Variants in PPP1R26 observed in about 807,000 individuals in gnomAD.
The protein encoded by PPP1R26 is 1A6/DRIM (down-regulated in metastasis) interacting protein.
In PPP1R26, 22 loss-of-function variants were observed where a neutral mutation model predicts 67.6. That is an observed-to-expected ratio of 0.33 (90% CI 0.23 to 0.46). The LOEUF is 0.46. Among genes scored for constraint, PPP1R26 ranks in the 20% least tolerant of loss-of-function variants. The pLI is 1.00. For missense variants in PPP1R26, 1,602 were observed against 1,651.4 expected (o/e 0.97, Z 0.52); for synonymous variants, 729 against 717.2 (o/e 1.02, Z -0.26).
At position 135,484,460 on chromosome 9, in the gene PPP1R26, G is replaced by T; in HGVS notation, c.-51G>T. On this transcript the variant is annotated 5_prime_UTR_variant, in exon 4 of 4. Coordinates refer to ENST00000356818, the MANE Select transcript of PPP1R26 (RefSeq NM_014811.5). ...TTCTTTCCGCCCAGGATGTGAAGCC[G>T]GTAGAGAAATAAAGCATCGCCCCTC... 1 of 1,443,320 alleles carries T rather than the reference G, an allele frequency of 6.9e-7. No homozygotes were observed. The highest frequency in any genetic ancestry group is 9.4e-7 in the Non-Finnish European group (1 of 1,065,680). The allele number at this position is 1,443,320 out of a possible 1,614,324, so 89.4% of individuals were successfully genotyped here.
chr9:135,487,682 G>A lies in PPP1R26; in HGVS notation c.3172G>A (p.Glu1058Lys), dbSNP rs776562505. ...DAVWRGGVGS[E>K]RDKGSEGPAR... ...AGTGTGGAGGGGGGGCGTCGGGAGCGAGAGAGACAAGGGGTCCGAGGGCCC... is the reference window on the plus strand; with the variant it reads ...AGTGTGGAGGGGGGGCGTCGGGAGCAAGAGAGACAAGGGGTCCGAGGGCCC... The change falls in exon 4 of 4, where the codon GAG becomes AAG. Residue 1058 changes from glutamate to lysine, a missense_variant. Glu to Lys is a moderately conservative substitution (Grantham distance 56). Coordinates refer to ENST00000356818, the MANE Select transcript of PPP1R26 (RefSeq NM_014811.5). The A allele has an allele frequency of 1.1e-5, 16 of 1,457,390 alleles. No individual in the cohort carries two copies. The highest frequency in any genetic ancestry group is 9.8e-5 in the East Asian group (4 of 40,656). 90.3% of individuals were successfully genotyped at this position (1,457,390 alleles called of 1,614,324 possible).
chr9:135,487,910 C>T lies in PPP1R26; in HGVS notation c.3400C>T (p.His1134Tyr). ...AGPSPVFGSP[H>Y]LLAKKDGGPW... ...ACCCAGCCCTGTCTTTGGAAGCCCA[C>T]ACTTGCTGGCAAAGAAGGACGGCGG... Residue 1134 changes from histidine to tyrosine, a missense_variant, in exon 4 of 4, where the codon CAC becomes TAC. Around this residue, in one of 5 missense-constraint regions of PPP1R26, gnomAD observed 740 missense variants for 696.3 expected, o/e 1.06. Transcript: ENST00000356818. The T allele has an allele frequency of 1.3e-6, 2 of 1,574,930 alleles. No homozygotes were observed. The highest frequency in any genetic ancestry group is 1.7e-6 in the Non-Finnish European group (2 of 1,161,652).
chr9:135,487,974 T>G lies in PPP1R26; in HGVS notation c.3464T>G (p.Leu1155Trp). Reference protein sequence around the residue: ...PTRKAQAGLSLHDRRSSGSEE... With the variant: ...PTRKAQAGLSWHDRRSSGSEE... ...AGGAAGGCACAGGCAGGGCTGAGTT[T>G]GCATGACAGGAGGAGCTCGGGCTCG... is the stretch of plus-strand genomic sequence containing the variant. The change falls in exon 4 of 4, where the codon TTG becomes TGG. Residue 1155 changes from leucine (L) to tryptophan (W), a missense_variant. By Grantham distance (61) the Leu-to-Trp change is moderately conservative. Around this residue, in one of 5 missense-constraint regions of PPP1R26, gnomAD observed 740 missense variants for 696.3 expected, o/e 1.06. Transcript: ENST00000356818. The G allele has an allele frequency of 1.2e-6, 2 of 1,607,664 alleles. No homozygotes were observed. Among genetic ancestry groups the G allele is most frequent in the Non-Finnish European group, 1.7e-6 (2 of 1,177,700 alleles).
At chr9:135,481,397 C>T (rs557294546) in intron 1 of PPP1R26, among the ~76,000 whole-genome samples, 6 of 152,094 alleles carry the variant, frequency 3.9e-5, no homozygotes, top group South Asian at 2.1e-4. Context: ...TGGGCTCCCA[C>T]GCCCAGCTAA....
At chr9:135,482,850 T>C in intron 2 of PPP1R26, 35 bp downstream of exon 2, 1 of 398,434 alleles carries the variant, frequency 2.5e-6, no homozygotes, top group Non-Finnish European at 4.4e-6. Flanking sequence ...TTAGTTTCCC[T>C]TGTAGGGCAC....
At position 135,487,767 on chromosome 9, in the gene PPP1R26, T is replaced by A; in HGVS notation, c.3257T>A (p.Leu1086His). 6.6e-7 allele frequency: 1 copy of A among 1,507,330 alleles called. No individual in the cohort carries two copies. Among genetic ancestry groups the A allele is most frequent in the Non-Finnish European group, 8.8e-7 (1 of 1,131,220 alleles). 93.4% of individuals were successfully genotyped at this position (1,507,330 alleles called of 1,614,324 possible). Residue 1086 changes from leucine to histidine, a missense_variant, in exon 4 of 4, where the codon CTC becomes CAC. By Grantham distance (99) the Leu-to-His change is moderately conservative (BLOSUM62 -3). Coordinates refer to ENST00000356818, the MANE Select transcript of PPP1R26 (RefSeq NM_014811.5). The stretch of plus-strand genomic sequence containing the variant: ...TTCTCGCCGCTGCTGTCCACCCAGC[T>A]CTTCCACTTTGGAAAGGGTGTCTCC... ...AGFSPLLSTQLFHFGKGVSWG... is the reference protein window; with the variant it reads ...AGFSPLLSTQHFHFGKGVSWG...
At chr9:135,483,695 A>G (rs977838341) in intron 2 of PPP1R26, 2 of 290,422 alleles carry the variant, frequency 6.9e-6, no homozygotes, top group Non-Finnish European at 1.3e-5. Flanking sequence ...AAGTGTCCCA[A>G]GCTCAGCCCA....
Position 135,487,675 on chromosome 9 carries a change from C to T in PPP1R26, c.3165C>T (p.Val1055=), listed in dbSNP as rs367855123. ...GAGATGCAGTGTGGAGGGGGGGCGT[C>T]GGGAGCGAGAGAGACAAGGGGTCCG... ...EGRDAVWRGG[V]GSERDKGSEG... is the part of the protein sequence containing the mutation. The change falls in exon 4 of 4, where the codon GTC becomes GTT. Residue 1055 remains valine (V), a synonymous_variant. Coordinates refer to ENST00000356818, the MANE Select transcript of PPP1R26 (RefSeq NM_014811.5). The T allele has an allele frequency of 1.4e-4, 210 of 1,458,652 alleles. No homozygotes were observed. Among genetic ancestry groups the T allele is most frequent in the African/African-American group, 5.7e-5 (4 of 70,366 alleles). The allele number at this position is 1,458,652 out of a possible 1,614,324, so 90.4% of individuals were successfully genotyped here.
Position 135,485,077 on chromosome 9 carries a change from ACTT to A in PPP1R26, c.568_570del (p.Leu190del). ...CCCCGACTGCCCTGTGTCCCCCAAA[ACTT>A]GTACCTGGATCAGGTGGTGGCCCCG... On this transcript the variant is annotated inframe_deletion, in exon 4 of 4. Coordinates refer to ENST00000356818, the MANE Select transcript of PPP1R26 (RefSeq NM_014811.5). This position sits in a 1 kb window ranked among gnomAD's most constrained non-coding sequence, Gnocchi z 7.2. 6.2e-7 allele frequency: 1 copy of A among 1,610,744 alleles called. No homozygotes were observed. Among genetic ancestry groups the A allele is most frequent in the Non-Finnish European group, 8.5e-7 (1 of 1,179,078 alleles).
intron 2 of PPP1R26, 137 bp downstream of exon 2, chr9:135,482,952 G>T (rs1477676159): frequency 2.6e-6 from 1 of 389,492 alleles, no homozygotes; most frequent in East Asian, 3.7e-5. Flanking sequence ...GTGTGTAGGT[G>T]GCCAGGCTCA....
Position 135,485,071 on chromosome 9 carries a change from C to T in PPP1R26, c.561C>T (p.Pro187=). Reference sequence around the variant, plus strand: ...GCAGTGCCCCGACTGCCCTGTGTCCCCCAAAACTTGTACCTGGATCAGGTG... The same window carrying T: ...GCAGTGCCCCGACTGCCCTGTGTCCTCCAAAACTTGTACCTGGATCAGGTG... ...AHGSAPTALC[P]PKLVPGSGGG... is the part of the protein sequence containing the mutation. The change falls in exon 4 of 4, where the codon CCC becomes CCT. Residue 187 remains proline, a synonymous_variant. Transcript: ENST00000356818. This position sits in a 1 kb window ranked among gnomAD's most constrained non-coding sequence, Gnocchi z 7.2. 2.5e-6 allele frequency: 4 copies of T among 1,610,166 alleles called. No homozygotes were observed. The highest frequency in any genetic ancestry group is 3.4e-6 in the Non-Finnish European group (4 of 1,178,832).
At position 135,486,462 on chromosome 9, in the gene PPP1R26, G is replaced by A. The variant is rs35142799; in HGVS notation, c.1952G>A (p.Gly651Asp). Residue 651 changes from glycine to aspartate, a missense_variant, in exon 4 of 4, where the codon GGC becomes GAC. Gly to Asp is a moderately conservative substitution (Grantham distance 94, BLOSUM62 -1). Around this residue, in one of 5 missense-constraint regions of PPP1R26, gnomAD observed 680 missense variants for 726.1 expected, o/e 0.94. Coordinates refer to ENST00000356818, the MANE Select transcript of PPP1R26 (RefSeq NM_014811.5). The surrounding 1 kb of genome is among the most constrained non-coding windows in gnomAD (Gnocchi z 6.2). ...GKASEALGGE[G>D]TARGPGDTRM... ...GCCAGTGAGGCCCTGGGAGGGGAGGGCACCGCCAGGGGCCCTGGCGACACT... is the reference window on the plus strand; with the variant it reads ...GCCAGTGAGGCCCTGGGAGGGGAGGACACCGCCAGGGGCCCTGGCGACACT... The A allele has an allele frequency of 1.4e-3, 2,242 of 1,613,040 alleles. 38 individuals carry two copies. In the African/African-American group the frequency reaches 0.026, roughly 19 times the overall value.
In PPP1R26 at chr9:135,486,347, G is replaced by A. The variant is rs756198560; in HGVS notation, c.1837G>A (p.Val613Met). The A allele has an allele frequency of 1.9e-6, 3 of 1,613,030 alleles. No homozygotes were observed. Among genetic ancestry groups the A allele is most frequent in the African/African-American group, 2.7e-5 (2 of 74,928 alleles). Residue 613 changes from valine (V) to methionine (M), a missense_variant, in exon 4 of 4, where the codon GTG becomes ATG. Around this residue, in one of 5 missense-constraint regions of PPP1R26, gnomAD observed 680 missense variants for 726.1 expected, o/e 0.94. Coordinates refer to ENST00000356818, the MANE Select transcript of PPP1R26 (RefSeq NM_014811.5). The surrounding 1 kb of genome is among the most constrained non-coding windows in gnomAD (Gnocchi z 6.2). ...ATCCACGCCCAAGAAAATGCAGGAGGTGGTGAAAGACGGTAGCCAGGATGC... is the reference window on the plus strand; with the variant it reads ...ATCCACGCCCAAGAAAATGCAGGAGATGGTGAAAGACGGTAGCCAGGATGC... The part of the protein sequence containing the change: ...RPSTPKKMQE[V>M]VKDGSQDADH...
rs763070829 is a variant in PPP1R26, at chr9:135,486,854, C to T, written c.2344C>T (p.Gln782Ter). The change falls in exon 4 of 4, where the codon CAG (glutamine) becomes TAG (stop). Residue 782 changes from glutamine to a stop codon, truncating the protein, a stop_gained. Transcript: ENST00000356818. LOFTEE classifies it high-confidence loss of function. This position sits in a 1 kb window ranked among gnomAD's most constrained non-coding sequence, Gnocchi z 6.2. ...VFGSTAERMR[Q>*]EGAASQDAAL... The stretch of plus-strand genomic sequence containing the variant: ...TGGCAGCACGGCAGAGAGGATGAGG[C>T]AGGAGGGTGCCGCGAGCCAGGACGC... The T allele has an allele frequency of 6.2e-7, 1 of 1,611,268 alleles. No individual in the cohort carries two copies. The highest frequency in any genetic ancestry group is 1.1e-5 in the South Asian group (1 of 90,960).
At chr9:135,481,882 G>A (rs1830532411) in intron 1 of PPP1R26, among the ~76,000 whole-genome samples, 1 of 152,214 alleles carries the variant, frequency 6.6e-6, no homozygotes, top group Non-Finnish European at 1.5e-5. Context: ...GCCTCCCAAA[G>A]TGCTGGGATT....
At chr9:135,481,128 C>T (rs886684727) in intron 1 of PPP1R26, among the ~76,000 whole-genome samples, 2 of 152,124 alleles carry the variant, frequency 1.3e-5, no homozygotes, top group African/African-American at 2.4e-5. Flanking sequence ...TGCTGGGTGT[C>T]CCCACAGCCA....
Position 135,485,573 on chromosome 9 carries a change from CAGGCGTCCG to C in PPP1R26, c.1074_1082del (p.Glu358_Ser360del). The C allele has an allele frequency of 3.1e-6, 5 of 1,613,258 alleles. No individual in the cohort carries two copies. Among genetic ancestry groups the C allele is most frequent in the East Asian group, 2.2e-5 (1 of 44,876 alleles). Reference sequence around the variant, plus strand: ...GGGAAAGCGAGTCATGAGTGCGGCACAGGCGTCCGAGGCGTCCGACTCCAGCAGCGACGA... The same window carrying C: ...GGGAAAGCGAGTCATGAGTGCGGCACAGGCGTCCGACTCCAGCAGCGACGA... On this transcript the variant is annotated inframe_deletion, in exon 4 of 4. Coordinates refer to ENST00000356818, the MANE Select transcript of PPP1R26 (RefSeq NM_014811.5). The surrounding 1 kb of genome is among the most constrained non-coding windows in gnomAD (Gnocchi z 7.2).
Position 135,487,304 on chromosome 9 carries a change from G to A in PPP1R26, c.2794G>A (p.Ala932Thr). Residue 932 changes from alanine to threonine, a missense_variant, in exon 4 of 4, where the codon GCC (alanine) becomes ACC (threonine). Ala to Thr is a moderately conservative substitution (Grantham distance 58). Coordinates refer to ENST00000356818, the MANE Select transcript of PPP1R26 (RefSeq NM_014811.5). ...QGGKGLPAAPARGDPVPPRST... is the reference protein window; with the variant it reads ...QGGKGLPAAPTRGDPVPPRST... ...CGGGAAGGGGCTCCCTGCTGCTCCT[G>A]CCCGAGGGGATCCGGTGCCGCCCAG... 1.9e-6 allele frequency: 3 copies of A among 1,556,862 alleles called. No individual in the cohort carries two copies. The highest frequency in any genetic ancestry group is 1.4e-5 in the African/African-American group (1 of 73,536).
chr9:135,486,005 G>C lies in PPP1R26; in HGVS notation c.1495G>C (p.Val499Leu). The C allele has an allele frequency of 6.2e-7, 1 of 1,613,212 alleles. No individual in the cohort carries two copies. Among genetic ancestry groups the C allele is most frequent in the Admixed American group, 1.7e-5 (1 of 60,008 alleles). The change falls in exon 4 of 4, where the codon GTA (valine) becomes CTA (leucine). Residue 499 changes from valine to leucine, a missense_variant. Val to Leu is a conservative substitution (Grantham distance 32). Transcript: ENST00000356818. This position sits in a 1 kb window ranked among gnomAD's most constrained non-coding sequence, Gnocchi z 6.2. ...DISKTILPAP[V>L]EGSDGSLSAS... ...CTCCAAGACGATCCTGCCGGCCCCT[G>C]TAGAGGGCAGTGACGGGTCCCTGTC...
Sources: allele counts gnomAD v4.1 joint callset (sites outside exome capture counted in the v4.1 genomes callset), GRCh38; gene constraint gnomAD v4.1.1; regional missense constraint gnomAD v4.1.1; non-coding constraint Gnocchi (gnomAD v3.1); transcripts MANE v1.5; gene names NCBI Gene and HGNC (gene_info 2026-07-23, HGNC 2026-07-21).